SLC5A4: variants seen among roughly 807,000 people sequenced by gnomAD.
SLC5A4 encodes solute carrier family 5 member 4, also known as probable glucose sensor protein SLC5A4.
A neutral mutation model predicts 70.3 loss-of-function variants in SLC5A4; 55 were observed. That is an observed-to-expected ratio of 0.78 (90% CI 0.63 to 0.98). SLC5A4 has a LOEUF of 0.98. SLC5A4 is among the 50% of genes least tolerant of loss of function. The pLI is 0.00. For synonymous variants in SLC5A4, 268 were observed against 305.7 expected (o/e 0.88, Z 1.29); for missense variants, 735 against 839.2 (o/e 0.88, Z 1.53).
At chr22:32,342,758 A>G in the SLC5A4 span, among the ~76,000 whole-genome samples, 1 of 152,250 alleles carries the variant, frequency 6.6e-6, no homozygotes, top group East Asian at 1.9e-4. Context: ...CAAACATGCC[A>G]GCTAACATTC....
the SLC5A4 span, among the ~76,000 whole-genome samples, chr22:32,337,269 T>C: frequency 1.3e-5 from 2 of 152,196 alleles, no homozygotes; most frequent in African/African-American, 4.8e-5. Context: ...AAGAAACACA[T>C]TGGCTGTAAT....
chr22:32,323,014 T>C, the SLC5A4 span, among the ~76,000 whole-genome samples: 540 of 152,304 alleles, frequency 3.5e-3, 5 homozygotes, highest in Middle Eastern at 3.4e-3. Context: ...TTGTAACATT[T>C]ACCTCCTCTC....
the SLC5A4 span, among the ~76,000 whole-genome samples, chr22:32,290,512 C>T: frequency 5.9e-5 from 9 of 152,098 alleles, no homozygotes; most frequent in African/African-American, 2.2e-4. Context: ...AAAACTTGTA[C>T]TTTTTATTTT....
At chr22:32,238,067 G>A (rs1926165054) in intron 6 of SLC5A4, among the ~76,000 whole-genome samples, 1 of 152,050 alleles carries the variant, frequency 6.6e-6, no homozygotes, top group Non-Finnish European at 1.5e-5. Flanking sequence ...CACCTATGCC[G>A]GTAACAGGAA....
At chr22:32,290,487 C>T in the SLC5A4 span, among the ~76,000 whole-genome samples, 1 of 152,144 alleles carries the variant, frequency 6.6e-6, no homozygotes, top group African/African-American at 2.4e-5. Context: ...TTCTATTTTT[C>T]TAATATCAGC....
At chr22:32,241,362 A>G (rs545218368) in intron 5 of SLC5A4, among the ~76,000 whole-genome samples, 1 of 152,328 alleles carries the variant, frequency 6.6e-6, no homozygotes, top group South Asian at 2.1e-4. Flanking sequence ...AGGGACCTAC[A>G]CCGAGGAGAA....
At chr22:32,351,957 G>C in the SLC5A4 span, among the ~76,000 whole-genome samples, 2 of 151,150 alleles carry the variant, frequency 1.3e-5, no homozygotes, top group Non-Finnish European at 2.9e-5. Context: ...AACCAGGCTG[G>C]AAAAAAAGAA....
chr22:32,310,718 A>C, the SLC5A4 span, among the ~76,000 whole-genome samples: 1 of 152,268 alleles, frequency 6.6e-6, no homozygotes, highest in Non-Finnish European at 1.5e-5. Flanking sequence ...ACCCTGGGCA[A>C]GCCACTTGAC....
the SLC5A4 span, among the ~76,000 whole-genome samples, chr22:32,291,531 A>T: frequency 2.0e-5 from 3 of 152,166 alleles, no homozygotes; most frequent in African/African-American, 7.2e-5. Context: ...TTTTCAGTCA[A>T]ACTTGTGTAT....
the SLC5A4 span, among the ~76,000 whole-genome samples, chr22:32,353,649 C>T: frequency 6.6e-6 from 1 of 151,784 alleles, no homozygotes; most frequent in South Asian, 2.1e-4. Flanking sequence ...GCCTCCAACA[C>T]CTCACCCCCA....
At chr22:32,257,764 C>G (rs978016674), upstream of SLC5A4, among the ~76,000 whole-genome samples, 1 of 151,272 alleles carries the variant, frequency 6.6e-6, no homozygotes, top group African/African-American at 2.4e-5. Flanking sequence ...TTCCTGGGTT[C>G]AAGCGATTCT....
the SLC5A4 span, among the ~76,000 whole-genome samples, chr22:32,332,482 C>T: frequency 1.3e-5 from 2 of 152,232 alleles, no homozygotes; most frequent in Non-Finnish European, 2.9e-5. Flanking sequence ...TCCCAGCTGC[C>T]CCGAGAGGCA....
At chr22:32,318,232 T>A in the SLC5A4 span, among the ~76,000 whole-genome samples, 1 of 122,224 alleles carries the variant, frequency 8.2e-6, no homozygotes, top group Middle Eastern at 3.8e-3. Context: ...CATATGTTGA[T>A]TTTTTTTTTT....
chr22:32,256,268 G>T (rs989319265), upstream of SLC5A4, among the ~76,000 whole-genome samples: 1 of 151,920 alleles, frequency 6.6e-6, no homozygotes, highest in Non-Finnish European at 1.5e-5. Flanking sequence ...TGATCACGCC[G>T]CTGCACTCTA....
At chr22:32,333,902 C>T in the SLC5A4 span, among the ~76,000 whole-genome samples, 1 of 148,970 alleles carries the variant, frequency 6.7e-6, no homozygotes, top group East Asian at 1.9e-4. Context: ...CCATGCCACA[C>T]ACCATGCTGC....
the SLC5A4 span, among the ~76,000 whole-genome samples, chr22:32,314,628 G>A: frequency 6.6e-6 from 1 of 152,186 alleles, no homozygotes; most frequent in African/African-American, 2.4e-5. Context: ...TAAAAGTTCT[G>A]TGGATAGATG....
chr22:32,314,022 G>GT, the SLC5A4 span, among the ~76,000 whole-genome samples: 1 of 152,118 alleles, frequency 6.6e-6, no homozygotes, highest in African/African-American at 2.4e-5. Context: ...CAAACTACAT[G>GT]TTTTTTGGGC....
At chr22:32,352,536 G>A in the SLC5A4 span, among the ~76,000 whole-genome samples, 854 of 152,186 alleles carry the variant, frequency 5.6e-3, 4 homozygotes, top group Admixed American at 0.012. Flanking sequence ...CCAGCAGGAG[G>A]AGGGCGCCCT....
chr22:32,239,155 A>G, intron 5 of SLC5A4, 65 bp from the exon 6 acceptor site: 1 of 1,139,672 alleles, frequency 8.8e-7, no homozygotes, highest in Non-Finnish European at 1.3e-6. Flanking sequence ...TCTCTGCCCC[A>G]ATGTCCACTC....
Sources: gnomAD v4.1 joint callset for allele counts (sites outside exome capture counted in the v4.1 genomes callset) on GRCh38, gnomAD v4.1.1 for gene constraint, MANE v1.5 for transcripts, NCBI Gene and HGNC (gene_info 2026-07-23, HGNC 2026-07-21) for gene names.